ADAM22: variants seen among roughly 807,000 people sequenced by gnomAD.
The protein encoded by ADAM22 is disintegrin and metalloproteinase domain-containing protein 22.
ADAM22 carries 65 observed loss-of-function variants against 144.6 expected under a neutral mutation model. That is an observed-to-expected ratio of 0.45 (90% confidence interval 0.37 to 0.55). The LOEUF (loss-of-function observed/expected upper bound fraction) is 0.55. ADAM22 is among the 20% of genes least tolerant of loss of function. ADAM22 has a pLI of 0.00. For synonymous variants in ADAM22, 391 were observed against 412.6 expected, an observed-to-expected ratio of 0.95 and a Z score of 0.63; for missense variants, 974 against 1,184.9, an observed-to-expected ratio of 0.82 and a Z score of 2.61.
At chr7:87,956,940 ACTTATT>A (rs1454555383) in intron 2 of ADAM22, among the ~76,000 whole-genome samples, 6 of 152,340 alleles carry the variant, frequency 3.9e-5, no homozygotes, top group South Asian at 2.1e-4. Context: ...CGTAAAAATT[ACTTATT>A]CTTATTACAT....
At chr7:88,052,757 C>T (rs985031552) in intron 3 of ADAM22, among the ~76,000 whole-genome samples, 2 of 152,118 alleles carry the variant, frequency 1.3e-5, no homozygotes, top group Non-Finnish European at 2.9e-5. Context: ...GTTAACTTTC[C>T]CATGTCCTTC....
intron 3 of ADAM22, among the ~76,000 whole-genome samples, chr7:88,001,005 T>A (rs1344384324): frequency 6.6e-6 from 1 of 152,228 alleles, no homozygotes; most frequent in Non-Finnish European, 1.5e-5. Context: ...TGCATTATCA[T>A]GCAATTGTTT....
At chr7:88,009,559 A>G (rs1471126625) in intron 3 of ADAM22, among the ~76,000 whole-genome samples, 5 of 152,110 alleles carry the variant, frequency 3.3e-5, no homozygotes, top group African/African-American at 1.2e-4. Flanking sequence ...AATCATAGTT[A>G]AAATAGTGTA....
chr7:88,086,428 C>T (rs906407317), intron 4 of ADAM22, among the ~76,000 whole-genome samples: 5 of 152,060 alleles, frequency 3.3e-5, no homozygotes, highest in Non-Finnish European at 5.9e-5. Context: ...GTTCATGTAG[C>T]TGTGCATAAT....
chr7:88,133,587 C>G (rs1832321952), intron 12 of ADAM22, among the ~76,000 whole-genome samples: 1 of 151,848 alleles, frequency 6.6e-6, no homozygotes, highest in African/African-American at 2.4e-5. Flanking sequence ...AAATAAGGCC[C>G]TATTTATCAC....
chr7:88,069,745 C>G (rs942807388), intron 3 of ADAM22, among the ~76,000 whole-genome samples: 1 of 152,010 alleles, frequency 6.6e-6, no homozygotes, highest in Non-Finnish European at 1.5e-5. Context: ...GGTGTAGACC[C>G]TTGAACCAAA....
At chr7:87,979,022 G>T (rs1017762864) in intron 3 of ADAM22, among the ~76,000 whole-genome samples, 2 of 152,174 alleles carry the variant, frequency 1.3e-5, no homozygotes, top group Non-Finnish European at 2.9e-5. Flanking sequence ...AATAAATCTG[G>T]TTAGTTACTG....
intron 2 of ADAM22, among the ~76,000 whole-genome samples, chr7:87,951,103 G>C (rs1288366933): frequency 6.6e-6 from 1 of 152,068 alleles, no homozygotes; most frequent in East Asian, 1.9e-4. Flanking sequence ...TGTTCACTCT[G>C]ATGGTAGTTT....
At position 88,163,071 on chromosome 7, in the gene ADAM22, C is replaced by T; in HGVS notation, c.1967C>T (p.Pro656Leu). 2 of 1,610,630 alleles carry T rather than the reference C, an allele frequency of 1.2e-6. No individual in the cohort carries two copies. Among genetic ancestry groups the T allele is most frequent in the African/African-American group, 1.3e-5 (1 of 74,486 alleles). ...CTTGGCTATGTGGAAGATGGGACAC[C>T]TTGTGGTCCCCAAATGATGTGCTTA... The part of the protein sequence containing the change: ...VDLGYVEDGT[P>L]CGPQMMCLEH... The change falls in exon 23 of 32, where the codon CCT (proline) becomes CTT (leucine). Residue 656 changes from proline (P) to leucine (L), a missense_variant. By Grantham distance (98) the Pro-to-Leu change is moderately conservative. Coordinates refer to ENST00000413139, the MANE Select transcript of ADAM22 (RefSeq NM_001324418.2).
At chr7:88,128,317 G>A (rs1295440689) in intron 8 of ADAM22, among the ~76,000 whole-genome samples, 1 of 152,042 alleles carries the variant, frequency 6.6e-6, no homozygotes, top group Non-Finnish European at 1.5e-5. Context: ...GAAGGAACCA[G>A]TAACTTGCTA....
intron 14 of ADAM22, among the ~76,000 whole-genome samples, chr7:88,140,139 C>T (rs1834173784): frequency 6.6e-6 from 1 of 152,112 alleles, no homozygotes; most frequent in Non-Finnish European, 1.5e-5. Context: ...CTCGTGTAAA[C>T]TTATTACCAG....
intron 3 of ADAM22, among the ~76,000 whole-genome samples, chr7:88,036,834 T>C (rs1249235040): frequency 1.3e-5 from 2 of 152,136 alleles, no homozygotes; most frequent in Non-Finnish European, 1.5e-5. Context: ...TCCTCCTATG[T>C]AATCTTACCA....
Position 88,168,150 on chromosome 7 carries a change from C to T in ADAM22, c.2205C>T (p.Thr735=), listed in dbSNP as rs745334108. 11 of 1,612,950 alleles carry T rather than the reference C, an allele frequency of 6.8e-6. No individual in the cohort carries two copies. The African/African-American group carries it at 1.1e-4, about 16-fold the overall frequency. The part of the protein sequence containing the change: ...ITLSGNGVAG[T]NIIIGIIAGT... ...TTTTCCTCTCAGGTGTTGCTGGCAC[C>T]AATATCATAATAGGCATAATTGCTG... The change falls in exon 25 of 32, where the codon ACC becomes ACT. Residue 735 remains threonine, a synonymous_variant. Transcript: ENST00000413139.
At chr7:88,150,704 C>T (rs901650569) in intron 18 of ADAM22, among the ~76,000 whole-genome samples, 1 of 152,106 alleles carries the variant, frequency 6.6e-6, no homozygotes, top group African/African-American at 2.4e-5. Context: ...ATGTAATCAA[C>T]TGTTTTTGCC....
chr7:88,076,595 GA>G (rs1814584132), intron 4 of ADAM22, among the ~76,000 whole-genome samples: 1 of 152,060 alleles, frequency 6.6e-6, no homozygotes, highest in African/African-American at 2.4e-5. Flanking sequence ...AAAATACCTG[GA>G]GACAGAAATC....
chr7:87,981,738 G>A (rs915798928), intron 3 of ADAM22, among the ~76,000 whole-genome samples: 1 of 151,992 alleles, frequency 6.6e-6, no homozygotes, highest in South Asian at 2.1e-4. Context: ...ATAAAAGACA[G>A]GATCTGAATT....
Position 88,134,417 on chromosome 7 carries a change from G to GTT in ADAM22, c.1167_1168insTT (p.Gly390LeufsTer14). The GTT allele has an allele frequency of 6.2e-7, 1 of 1,605,160 alleles. No individual in the cohort carries two copies. On this transcript the variant is annotated frameshift_variant and splice_region_variant, in exon 13 of 32. Coordinates refer to ENST00000413139, the MANE Select transcript of ADAM22 (RefSeq NM_001324418.2). LOFTEE classifies it high-confidence loss of function. ...ATCTCAGACAAAAGAAAGTTAGCAA[G>GTT]TGGTAAGTTTTAGTACATGTGTGGT...
intron 14 of ADAM22, 102 bp downstream of exon 14, chr7:88,136,133 CACTT>C (rs1832939047): frequency 6.1e-6 from 6 of 977,824 alleles, no homozygotes; most frequent in Non-Finnish European, 4.3e-6. Context: ...TGGAATCTAG[CACTT>C]ATAAAATATT....
chr7:87,951,119 G>A (rs1299525499), intron 2 of ADAM22, among the ~76,000 whole-genome samples: 2 of 151,768 alleles, frequency 1.3e-5, no homozygotes, highest in African/African-American at 4.8e-5. Flanking sequence ...AGTTTCTTTT[G>A]CTGTGCAGAA....
Sources: gnomAD v4.1 joint callset for allele counts (sites outside exome capture counted in the v4.1 genomes callset) on GRCh38, gnomAD v4.1.1 for gene constraint, MANE v1.5 for transcripts, NCBI Gene and HGNC (gene_info 2026-07-23, HGNC 2026-07-21) for gene names.